CNTNAP5: variants seen among roughly 807,000 people sequenced by gnomAD.
CNTNAP5 encodes the protein contactin associated protein family member 5, also known as contactin-associated protein-like 5.
Under a neutral mutation model 150.2 loss-of-function variants are expected in CNTNAP5, and 72 were observed. That is an observed-to-expected ratio of 0.48 (90% CI 0.40 to 0.58). The LOEUF is 0.58. CNTNAP5 is among the 20% of genes least tolerant of loss of function. The pLI is 0.00. For synonymous variants in CNTNAP5, 672 were observed against 619.8 expected (o/e 1.08, Z -1.25); for missense variants, 1,636 against 1,626.2 (o/e 1.01, Z -0.10).
At chr2:124,058,520 T>A (rs948472693) in intron 1 of CNTNAP5, among the ~76,000 whole-genome samples, 3 of 152,144 alleles carry the variant, frequency 2.0e-5, no homozygotes, top group African/African-American at 7.2e-5. Context: ...GATAAGTCCA[T>A]TTTCCATGCT....
chr2:124,275,693 T>TA (rs1311963892), intron 3 of CNTNAP5, among the ~76,000 whole-genome samples: 1 of 152,092 alleles, frequency 6.6e-6, no homozygotes, highest in Non-Finnish European at 1.5e-5. Context: ...CTGCCAAGAG[T>TA]ACCTCTTTAC....
intron 10 of CNTNAP5, among the ~76,000 whole-genome samples, chr2:124,558,731 A>G (rs960006189): frequency 6.6e-6 from 1 of 152,168 alleles, no homozygotes; most frequent in Non-Finnish European, 1.5e-5. Context: ...TCCAGCTGGA[A>G]ACTTCAGCCC....
In CNTNAP5 at chr2:124,914,208, G is replaced by T; in HGVS notation, c.3844G>T (p.Glu1282Ter). Residue 1282 changes from glutamate (E) to a stop codon, truncating the protein, a stop_gained, in exon 24 of 24, where the codon GAA becomes TAA. Coordinates refer to ENST00000682447, the MANE Select transcript of CNTNAP5 (RefSeq NM_001367498.1). LOFTEE classifies it high-confidence loss of function. ...TSQMKEKEYP[E>*]NLDSSFRNEI... ...CCAGATGAAGGAGAAGGAATATCCA[G>T]AAAATTTGGACAGTTCCTTCAGAAA... 2 of 1,612,578 alleles carry T rather than the reference G, an allele frequency of 1.2e-6. No homozygotes were observed. Among genetic ancestry groups the T allele is most frequent in the Non-Finnish European group, 1.7e-6 (2 of 1,179,038 alleles).
chr2:124,544,876 G>A (rs1695477390), intron 10 of CNTNAP5, among the ~76,000 whole-genome samples: 1 of 152,164 alleles, frequency 6.6e-6, no homozygotes. Context: ...AGCCCAGGCT[G>A]GATATGGTCA....
At position 124,541,855 on chromosome 2, in the gene CNTNAP5, G is replaced by A. The variant is rs1695393526; in HGVS notation, c.1649+14399G>A. ...ACTTATATGAGGATCCAGAAGAAGA[G>A]GTCTCAAGGGTGAACTCTTGTCTGC... is the stretch of plus-strand genomic sequence containing the variant. On this transcript the variant is annotated intron_variant, in intron 10 of 23. Coordinates refer to ENST00000682447, the MANE Select transcript of CNTNAP5 (RefSeq NM_001367498.1). 3.9e-5 allele frequency among the ~76,000 whole-genome samples: 6 copies of A among 152,184 alleles called. No individual in the cohort carries two copies. The South Asian group carries it at 1.2e-3, about 32-fold the overall frequency.
At chr2:124,816,234 G>T (rs1365310060) in intron 19 of CNTNAP5, among the ~76,000 whole-genome samples, 1 of 152,132 alleles carries the variant, frequency 6.6e-6, no homozygotes, top group Admixed American at 6.5e-5. Flanking sequence ...ATCACCATTT[G>T]TCTGTGTGCT....
intron 1 of CNTNAP5, among the ~76,000 whole-genome samples, chr2:124,164,650 T>C (rs1413769280): frequency 1.3e-5 from 2 of 152,042 alleles, no homozygotes; most frequent in Non-Finnish European, 2.9e-5. Context: ...ACTAAAGTGA[T>C]TGGAAATACG....
At chr2:124,507,933 G>A (rs1020244192) in intron 8 of CNTNAP5, among the ~76,000 whole-genome samples, 1 of 152,146 alleles carries the variant, frequency 6.6e-6, no homozygotes, top group Admixed American at 6.5e-5. Context: ...ATCTAATATT[G>A]AAAATGGCAT....
At chr2:124,895,395 G>T (rs1558817050) in intron 21 of CNTNAP5, among the ~76,000 whole-genome samples, 1 of 151,564 alleles carries the variant, frequency 6.6e-6, no homozygotes, top group Non-Finnish European at 1.5e-5. Flanking sequence ...GAATTCTAAG[G>T]TGGGAGGATT....
chr2:124,404,376 G>A (rs1223071050), intron 3 of CNTNAP5, among the ~76,000 whole-genome samples: 1 of 151,434 alleles, frequency 6.6e-6, no homozygotes, highest in Non-Finnish European at 1.5e-5. Context: ...GCTGGCTACA[G>A]TGAATTCACA....
chr2:124,446,371 C>A (rs1414929248), intron 5 of CNTNAP5, among the ~76,000 whole-genome samples: 1 of 152,152 alleles, frequency 6.6e-6, no homozygotes, highest in Admixed American at 6.5e-5. Context: ...TACTCCTCCT[C>A]CCAGGCACGG....
At chr2:124,100,299 A>T (rs1683034631) in intron 1 of CNTNAP5, among the ~76,000 whole-genome samples, 1 of 152,120 alleles carries the variant, frequency 6.6e-6, no homozygotes, top group Non-Finnish European at 1.5e-5. Flanking sequence ...TGTGACTCAA[A>T]CTCCTCCCAC....
intron 2 of CNTNAP5, among the ~76,000 whole-genome samples, chr2:124,227,911 C>T (rs897122877): frequency 1.3e-4 from 20 of 151,900 alleles, no homozygotes; most frequent in East Asian, 7.8e-4. Context: ...TACACACACA[C>T]GCACACACAA....
intron 13 of CNTNAP5, among the ~76,000 whole-genome samples, chr2:124,703,019 A>G (rs1161915807): frequency 6.6e-6 from 1 of 152,160 alleles, no homozygotes; most frequent in African/African-American, 2.4e-5. Context: ...ATGTCAGAAT[A>G]AGCATCTAGG....
rs548194455 is a variant in CNTNAP5, at chr2:124,748,508, G to A, written c.2234+1123G>A. 3.3e-5 allele frequency among the ~76,000 whole-genome samples: 5 copies of A among 152,206 alleles called. No individual in the cohort carries two copies. In the South Asian group the frequency reaches 1.0e-3, roughly 32 times the overall value. ...TACTTTTGTTTTGACTGAATTTAAA[G>A]CATTCTTTGGTTTTGGCTTAGCAAT... On this transcript the variant is annotated intron_variant, in intron 14 of 23. Coordinates refer to ENST00000682447, the MANE Select transcript of CNTNAP5 (RefSeq NM_001367498.1).
At chr2:124,474,598 TA>T in intron 6 of CNTNAP5, 140 bp from the exon 7 acceptor site, 1 of 650,106 alleles carries the variant, frequency 1.5e-6, no homozygotes, top group Non-Finnish European at 2.6e-6. Context: ...TTTAAATGTG[TA>T]ATCAAGTAGC....
chr2:124,229,813 G>A (rs557669735), intron 2 of CNTNAP5, among the ~76,000 whole-genome samples: 2 of 151,954 alleles, frequency 1.3e-5, no homozygotes, highest in Non-Finnish European at 2.9e-5. Flanking sequence ...AAGGATTTAA[G>A]TTACTTTAGA....
rs1348284234 is a variant in CNTNAP5 at position 124,747,255 on chromosome 2, G to A, written c.2104G>A (p.Gly702Arg). ...TGGAACACCATTTACCTGGTGGATT[G>A]GGCGGTCCAATGAAAGGCACCCTTA... ...PDGTPFTWWI[G>R]RSNERHPYWG... The change falls in exon 14 of 24, where the codon GGG (glycine) becomes AGG (arginine). Residue 702 changes from glycine (G) to arginine (R), a missense_variant. Transcript: ENST00000682447. The A allele has an allele frequency of 1.2e-6, 2 of 1,613,490 alleles. No individual in the cohort carries two copies. Among genetic ancestry groups the A allele is most frequent in the South Asian group, 1.1e-5 (1 of 91,062 alleles).
Position 124,854,969 on chromosome 2 carries a change from A to C in CNTNAP5, c.3218-10337A>C, listed in dbSNP as rs1677326433. The stretch of plus-strand genomic sequence containing the variant: ...AGTAGGTGTTTTCAGCTAAGGGGAA[A>C]AGAGAAACAAAATAAAACAAAAACA... On this transcript the variant is annotated intron_variant, in intron 19 of 23. Coordinates refer to ENST00000682447, the MANE Select transcript of CNTNAP5 (RefSeq NM_001367498.1). Among the ~76,000 whole-genome samples the C allele has an allele frequency of 4.6e-5, 7 of 152,262 alleles. No individual in the cohort carries two copies. The South Asian group carries it at 1.5e-3, about 32-fold the overall frequency.
Sources: gnomAD v4.1 joint callset for allele counts (sites outside exome capture counted in the v4.1 genomes callset) on GRCh38, gnomAD v4.1.1 for gene constraint, MANE v1.5 for transcripts, NCBI Gene and HGNC (gene_info 2026-07-23, HGNC 2026-07-21) for gene names.